The following DNAH17 variants were observed in gnomAD, a reference collection of about 807,000 sequenced individuals.
DNAH17 encodes the protein axonemal beta dynein heavy chain 17.
A neutral mutation model predicts 485.6 loss-of-function variants in DNAH17; 376 were observed. The ratio of observed to expected loss-of-function variants is 0.77; its 90% CI spans 0.71 to 0.84. DNAH17 has a LOEUF of 0.84. Ranked by LOEUF, DNAH17 falls within the 40% of genes least tolerant of loss-of-function variation. The pLI, the probability that DNAH17 is intolerant of heterozygous loss-of-function variation, is 0.00. For missense variants in DNAH17, 6,370 were observed against 5,839.3 expected, an observed-to-expected ratio of 1.09 and a Z score of -2.96; for synonymous variants, 3,031 against 2,405.9, an observed-to-expected ratio of 1.26 and a Z score of -7.60.
intron 31 of DNAH17, among the ~76,000 whole-genome samples, chr17:78,504,558 A>G (rs949831596): frequency 4.7e-5 from 7 of 147,496 alleles, no homozygotes; most frequent in East Asian, 2.0e-4. Flanking sequence ...GGTTTTCTCG[A>G]GATTTTTTTT....
At chr17:78,431,160 T>C (rs1427666765) in intron 75 of DNAH17, among the ~76,000 whole-genome samples, 1 of 151,498 alleles carries the variant, frequency 6.6e-6, no homozygotes, top group Non-Finnish European at 1.5e-5. Context: ...ATTACAGGCT[T>C]GGGCCACTGC....
intron 16 of DNAH17, among the ~76,000 whole-genome samples, chr17:78,548,793 G>A (rs2091835501): frequency 1.3e-5 from 2 of 152,256 alleles, no homozygotes; most frequent in South Asian, 4.1e-4. Context: ...TGGGGAGCTA[G>A]ATGCTGCTGG....
chr17:78,462,964 T>G lies in DNAH17; in HGVS notation c.9054A>C (p.Lys3018Asn). 1 of 1,613,998 alleles carries G rather than the reference T, an allele frequency of 6.2e-7. No individual in the cohort carries two copies. Among genetic ancestry groups the G allele is most frequent in the Non-Finnish European group, 8.5e-7 (1 of 1,179,874 alleles). Residue 3018 changes from lysine to asparagine, a missense_variant, in exon 57 of 81, where the codon AAA becomes AAC. Lys to Asn is a moderately conservative substitution (Grantham distance 94). Transcript: ENST00000389840. Reference protein sequence around the residue: ...TERRYNYTTPKTFLEQIKLYQ... With the variant: ...TERRYNYTTPNTFLEQIKLYQ... ...ACAGTTTGATCTGCTCCAGAAAGGT[T>G]TTGGGTGTGGTGTAGTTGTAGCGCC...
At chr17:78,436,574 C>A (rs1326490911) in intron 74 of DNAH17, among the ~76,000 whole-genome samples, 1 of 150,978 alleles carries the variant, frequency 6.6e-6, no homozygotes, top group African/African-American at 2.4e-5. Flanking sequence ...GGCAGGAGCA[C>A]CCCCGAGGAC....
In DNAH17 at chr17:78,428,546, C is replaced by T. The variant is rs750613039; in HGVS notation, c.12567G>A (p.Thr4189=). ...QPKETDSGAG[T]GVSREEKVKA... is the part of the protein sequence containing the mutation. ...CTGCCTTCTCCTCGCGGGACACTCC[C>T]GTGCCTGCCCCCGAGTCCGTCTCTT... Residue 4189 remains threonine (T), a synonymous_variant, in exon 77 of 81, where the codon ACG becomes ACA. Transcript: ENST00000389840. 2.0e-5 allele frequency: 33 copies of T among 1,610,388 alleles called. No homozygotes were observed. Among genetic ancestry groups the T allele is most frequent in the African/African-American group, 4.0e-5 (3 of 74,852 alleles).
At chr17:78,425,925 C>A (rs1171520918) in intron 79 of DNAH17, among the ~76,000 whole-genome samples, 2 of 152,024 alleles carry the variant, frequency 1.3e-5, no homozygotes, top group Non-Finnish European at 2.9e-5. Flanking sequence ...GCCACCATGC[C>A]CAGCTTATTT....
chr17:78,552,911 T>C, intron 14 of DNAH17, 106 bp from the exon 15 acceptor site: 1 of 780,070 alleles, frequency 1.3e-6, no homozygotes, highest in East Asian at 2.5e-5. Flanking sequence ...GGTTTGGATC[T>C]GTGTCCCCAC....
At chr17:78,529,323 G>A (rs2091163861) in intron 22 of DNAH17, 149 bp downstream of exon 22, 1 of 777,932 alleles carries the variant, frequency 1.3e-6, no homozygotes. Context: ...CCTCCTCCCT[G>A]CACCTCCCTG....
At chr17:78,439,252 T>C in intron 72 of DNAH17, 35 bp from the exon 73 acceptor site, 1 of 1,586,626 alleles carries the variant, frequency 6.3e-7, no homozygotes, top group African/African-American at 1.3e-5. Context: ...AAACACCACG[T>C]AATTAAATGA....
At chr17:78,546,496 T>C (rs756421670) in intron 16 of DNAH17, among the ~76,000 whole-genome samples, 7 of 152,244 alleles carry the variant, frequency 4.6e-5, no homozygotes, top group South Asian at 4.1e-4. Flanking sequence ...TTAAAAACTA[T>C]AGCTTATTTG....
Position 78,463,098 on chromosome 17 carries a change from G to A in DNAH17, c.8941-21C>T, listed in dbSNP as rs766350084. The A allele has an allele frequency of 3.1e-6, 5 of 1,607,890 alleles. No homozygotes were observed. The African/African-American group carries it at 5.3e-5, about 17-fold the overall frequency. On this transcript the variant is annotated intron_variant, in intron 56 of 80. Transcript: ENST00000389840. ...TCCCACTACAAAGATGAGACAGCCAGTCATCCCTGGGACCCCATCCTGCAA... is the reference window on the plus strand; with the variant it reads ...TCCCACTACAAAGATGAGACAGCCAATCATCCCTGGGACCCCATCCTGCAA...
Position 78,569,240 on chromosome 17 carries a change from C to G in DNAH17, c.1210G>C (p.Val404Leu), listed in dbSNP as rs201447392. Residue 404 changes from valine (V) to leucine (L), a missense_variant, in exon 9 of 81, where the codon GTG becomes CTG. Val to Leu is a conservative substitution (Grantham distance 32). Coordinates refer to ENST00000389840, the MANE Select transcript of DNAH17 (RefSeq NM_173628.4). Reference protein sequence around the residue: ...MKLFFKDKEPVPWEFPSSLAF... With the variant: ...MKLFFKDKEPLPWEFPSSLAF... ...AGAGAAGAAGGGAATTCCCAAGGCACGGGCTCTTTGTCCTTAGAGGAGAGA... is the reference window on the plus strand; with the variant it reads ...AGAGAAGAAGGGAATTCCCAAGGCAGGGGCTCTTTGTCCTTAGAGGAGAGA... 6.2e-7 allele frequency: 1 copy of G among 1,606,872 alleles called. No homozygotes were observed. Among genetic ancestry groups the G allele is most frequent in the South Asian group, 1.1e-5 (1 of 89,492 alleles).
chr17:78,448,793 C>T (rs597743), intron 69 of DNAH17, among the ~76,000 whole-genome samples: 3,674 of 152,232 alleles, frequency 0.024, 162 homozygotes, highest in African/African-American at 0.079. Context: ...TGCTCTCTCT[C>T]GCCCTCTAGC....
chr17:78,557,669 G>GTA, intron 14 of DNAH17, among the ~76,000 whole-genome samples: 1 of 122,942 alleles, frequency 8.1e-6, no homozygotes, highest in South Asian at 3.1e-4. Flanking sequence ...AAAAAGTAAC[G>GTA]TAAGCCAAAG....
In DNAH17 at chr17:78,427,014, A is replaced by C; in HGVS notation, c.12683T>G (p.Val4228Gly). Residue 4228 changes from valine to glycine, a missense_variant, in exon 78 of 81, where the codon GTG (valine) becomes GGG (glycine). Transcript: ENST00000389840. ...MAKAAEKTPY[V>G]VVAFQECERM... ...TTCACATTCTTGAAAGGCGACTACC[A>C]CGTAGGGGGTCTTTTCCGCTGCCTT... The C allele has an allele frequency of 6.2e-7, 1 of 1,609,604 alleles. No individual in the cohort carries two copies. The highest frequency in any genetic ancestry group is 1.1e-5 in the South Asian group (1 of 90,062).
intron 2 of DNAH17, among the ~76,000 whole-genome samples, chr17:78,573,524 G>A (rs984952698): frequency 6.6e-5 from 10 of 151,696 alleles, no homozygotes; most frequent in African/African-American, 2.4e-4. Flanking sequence ...ATTTGAACCT[G>A]GGAGGTGGAG....
At chr17:78,449,165 C>T (rs910415322) in intron 69 of DNAH17, among the ~76,000 whole-genome samples, 2 of 152,210 alleles carry the variant, frequency 1.3e-5, no homozygotes, top group Non-Finnish European at 2.9e-5. Context: ...CTCCTTAAAA[C>T]ACCACCCCTT....
In DNAH17 at chr17:78,537,378, A is replaced by G. The variant is rs1276378061; in HGVS notation, c.2780T>C (p.Leu927Pro). The change falls in exon 19 of 81, where the codon CTG becomes CCG. Residue 927 changes from leucine to proline, a missense_variant. Physicochemically the swap from Leu to Pro is moderately conservative, Grantham distance 98. Transcript: ENST00000389840. ...EVGSDRGFLA[L>P]IEGLVNDIYN... Reference sequence around the variant, plus strand: ...GATGTCGTTGACCAGGCCCTCGATCAGTGCCAGGAAGCCGCGATCTGAGCC... The same window carrying G: ...GATGTCGTTGACCAGGCCCTCGATCGGTGCCAGGAAGCCGCGATCTGAGCC... 1 of 1,612,578 alleles carries G rather than the reference A, an allele frequency of 6.2e-7. No individual in the cohort carries two copies. The highest frequency in any genetic ancestry group is 8.5e-7 in the Non-Finnish European group (1 of 1,179,546).
rs955820469 is a variant in DNAH17, at chr17:78,438,127, G to A, written c.11806-259C>T. The stretch of plus-strand genomic sequence containing the variant: ...TGAATTGCAAACCTCCAGCCTTACG[G>A]TGAGTCCTTTGTGTCCTCCCTGGCA... On this transcript the variant is annotated intron_variant, in intron 73 of 80. Transcript: ENST00000389840. 5.9e-5 allele frequency among the ~76,000 whole-genome samples: 9 copies of A among 151,852 alleles called. 1 individual carries two copies.
Sources: gnomAD v4.1 joint callset for allele counts (sites outside exome capture counted in the v4.1 genomes callset) on GRCh38, gnomAD v4.1.1 for gene constraint, MANE v1.5 for transcripts, NCBI Gene and HGNC (gene_info 2026-07-23, HGNC 2026-07-21) for gene names.